The following APP variants were observed in gnomAD, a reference collection of about 807,000 sequenced individuals.
The protein encoded by APP is amyloid-beta precursor protein.
Under a neutral mutation model 101.4 loss-of-function variants are expected in APP, and 31 were observed. The observed-to-expected ratio is 0.31, with a 90% CI of 0.23 to 0.41. The LOEUF (loss-of-function observed/expected upper bound fraction) is 0.41, where lower values mean the gene tolerates loss of function less well. Among genes scored for constraint, APP ranks in the 10% least tolerant of loss-of-function variants. The probability of loss-of-function intolerance (pLI) is 1.00; values close to 1 mark genes in which losing one functional copy is unlikely to be tolerated. For missense variants in APP, 839 were observed against 1,003.7 expected, an observed-to-expected ratio of 0.84 and a Z score of 2.22; for synonymous variants, 366 against 364.4, an observed-to-expected ratio of 1.00 and a Z score of -0.05.
At chr21:25,933,417 T>C (rs1055276815) in intron 13 of APP, among the ~76,000 whole-genome samples, 1 of 152,236 alleles carries the variant, frequency 6.6e-6, no homozygotes, top group Admixed American at 6.5e-5. Context: ...TTCTTTACGC[T>C]AGAAACTTTC....
chr21:26,125,904 T>C (rs2062673248), intron 1 of APP, among the ~76,000 whole-genome samples: 1 of 152,244 alleles, frequency 6.6e-6, no homozygotes, highest in Admixed American at 6.5e-5. Context: ...GAAAAAATTA[T>C]CTGGACTCTC....
intron 5 of APP, among the ~76,000 whole-genome samples, chr21:26,050,200 T>C (rs1252284628): frequency 2.6e-5 from 4 of 152,238 alleles, no homozygotes; most frequent in Non-Finnish European, 4.4e-5. Flanking sequence ...ACAACTCCTA[T>C]TGAATGTGCT....
chr21:26,147,606 GA>G (rs35269152), intron 1 of APP, among the ~76,000 whole-genome samples: 65,003 of 150,714 alleles, frequency 0.43, 14,107 homozygotes, highest in Admixed American at 0.47. Flanking sequence ...TAACTTAAAA[GA>G]AAAAAAAAAT....
intron 5 of APP, among the ~76,000 whole-genome samples, chr21:26,047,617 T>A (rs1310243708): frequency 6.6e-6 from 1 of 152,262 alleles, no homozygotes; most frequent in African/African-American, 2.4e-5. Flanking sequence ...CCAATTTTTT[T>A]AAATTTTAAA....
rs535376365 is a variant in APP at position 26,151,066 on chromosome 21, C to T, written c.57+19498G>A. On this transcript the variant is annotated intron_variant, in intron 1 of 17. Transcript: ENST00000346798. ...GACCTTACACTAGGTTCTGTAACAG[C>T]AGCATTTCATCACAATTTGTTAAAT... 5.3e-5 allele frequency among the ~76,000 whole-genome samples: 8 copies of T among 152,308 alleles called. No individual in the cohort carries two copies. The South Asian group carries it at 1.7e-3, about 32-fold the overall frequency.
chr21:26,001,027 C>T (rs1440801603), intron 6 of APP, among the ~76,000 whole-genome samples: 1 of 151,826 alleles, frequency 6.6e-6, no homozygotes, highest in Non-Finnish European at 1.5e-5. Context: ...TTTAATTATG[C>T]TACTTAATTG....
At chr21:25,926,173 G>A (rs1008526868) in intron 13 of APP, among the ~76,000 whole-genome samples, 17 of 152,146 alleles carry the variant, frequency 1.1e-4, no homozygotes, top group Non-Finnish European at 1.0e-4. Context: ...CATTTGTTAC[G>A]GGAAGTTCTC....
rs2038702063 is a variant in APP, at chr21:25,904,793, G to A, written c.1963+231C>T. On this transcript the variant is annotated intron_variant, in intron 15 of 17. Coordinates refer to ENST00000346798, the MANE Select transcript of APP (RefSeq NM_000484.4). ...CCAAATTTGGAAGGGCTCTCTTTTA[G>A]GTTTCAAAGGGAAAGCTCAGAAACA... is the stretch of plus-strand genomic sequence containing the variant. 2.0e-5 allele frequency among the ~76,000 whole-genome samples: 3 copies of A among 151,686 alleles called. No individual in the cohort carries two copies. In the South Asian group the frequency reaches 6.3e-4, roughly 32 times the overall value.
At chr21:25,915,470 C>T (rs928605290) in intron 13 of APP, among the ~76,000 whole-genome samples, 15 of 152,232 alleles carry the variant, frequency 9.9e-5, no homozygotes, top group Admixed American at 1.3e-4. Flanking sequence ...CACCAGCCTT[C>T]CCATGTTCAG....
intron 11 of APP, among the ~76,000 whole-genome samples, chr21:25,956,897 T>C (rs1045195327): frequency 2.6e-5 from 4 of 152,190 alleles, no homozygotes; most frequent in Admixed American, 2.6e-4. Flanking sequence ...TCCCCATTAA[T>C]GTACCTAACT....
chr21:26,091,341 G>C (rs1335939408), intron 2 of APP, among the ~76,000 whole-genome samples: 1 of 152,184 alleles, frequency 6.6e-6, no homozygotes, highest in Non-Finnish European at 1.5e-5. Flanking sequence ...TGGAGAAAGT[G>C]AGGTGGTAAT....
chr21:25,993,876 T>C (rs1483005039), intron 8 of APP, among the ~76,000 whole-genome samples: 2 of 151,320 alleles, frequency 1.3e-5, no homozygotes, highest in Admixed American at 6.6e-5. Context: ...TAAACACCCA[T>C]ATGCCTAGGA....
chr21:25,926,178 G>A (rs188530917), intron 13 of APP, among the ~76,000 whole-genome samples: 101 of 152,312 alleles, frequency 6.6e-4, no homozygotes, highest in Non-Finnish European at 1.2e-3. Flanking sequence ...GTTACGGGAA[G>A]TTCTCAGGAA....
intron 9 of APP, among the ~76,000 whole-genome samples, chr21:25,980,320 A>C (rs1400918695): frequency 6.6e-6 from 1 of 152,210 alleles, no homozygotes; most frequent in African/African-American, 2.4e-5. Context: ...TTGTGAGGGC[A>C]CAGGAAGCCT....
At chr21:26,121,086 T>C (rs1257508335) in intron 1 of APP, among the ~76,000 whole-genome samples, 4 of 152,262 alleles carry the variant, frequency 2.6e-5, no homozygotes, top group South Asian at 2.1e-4. Flanking sequence ...AGACTGATCA[T>C]GTGACACTCG....
chr21:25,995,219 C>G (rs2043007849), intron 8 of APP, among the ~76,000 whole-genome samples: 1 of 152,110 alleles, frequency 6.6e-6, no homozygotes, highest in African/African-American at 2.4e-5. Context: ...CTTATAAATG[C>G]TAAAATGAAA....
chr21:26,154,798 A>T (rs940775825), intron 1 of APP, among the ~76,000 whole-genome samples: 1 of 152,218 alleles, frequency 6.6e-6, no homozygotes, highest in African/African-American at 2.4e-5. Context: ...AAGCTTAAAA[A>T]GGAGGTCTTA....
intron 5 of APP, among the ~76,000 whole-genome samples, chr21:26,030,846 G>C (rs2044786423): frequency 6.6e-6 from 1 of 152,162 alleles, no homozygotes; most frequent in Admixed American, 6.5e-5. Flanking sequence ...ATTTTGGGTG[G>C]AGAGTTGGAA....
At chr21:25,888,877 A>C (rs896750791) in intron 17 of APP, among the ~76,000 whole-genome samples, 1 of 152,238 alleles carries the variant, frequency 6.6e-6, no homozygotes, top group Admixed American at 6.5e-5. Context: ...GCTTGCGCGG[A>C]GAACTAAAAG....
Sources: gnomAD v4.1 joint callset for allele counts (sites outside exome capture counted in the v4.1 genomes callset) on GRCh38, gnomAD v4.1.1 for gene constraint, MANE v1.5 for transcripts, NCBI Gene and HGNC (gene_info 2026-07-23, HGNC 2026-07-21) for gene names.